NTM: variants seen among roughly 807,000 people sequenced by gnomAD.
NTM encodes the protein IgLON family member 2.
A neutral mutation model predicts 42.1 loss-of-function variants in NTM; 13 were observed. The ratio of observed to expected loss-of-function variants is 0.31; its 90% CI spans 0.20 to 0.49. The LOEUF is 0.49. Ranked by LOEUF, NTM falls within the 20% of genes least tolerant of loss-of-function variation. The pLI, the probability that NTM is intolerant of heterozygous loss-of-function variation, is 0.99. For synonymous variants in NTM, 187 were observed against 179.2 expected, an observed-to-expected ratio of 1.04 and a Z score of -0.35; for missense variants, 373 against 452.8, an observed-to-expected ratio of 0.82 and a Z score of 1.60.
At chr11:132,317,316 T>C (rs921618357) in intron 7 of NTM, among the ~76,000 whole-genome samples, 2 of 150,488 alleles carry the variant, frequency 1.3e-5, no homozygotes, top group Non-Finnish European at 3.0e-5. Context: ...GGGAAACAAG[T>C]CTCATCTGGA....
At chr11:131,548,446 T>A in intron 1 of NTM, among the ~76,000 whole-genome samples, 1 of 152,186 alleles carries the variant, frequency 6.6e-6, no homozygotes, top group Non-Finnish European at 1.5e-5. Context: ...ATCTTTTTTT[T>A]ATATTCAGAG....
intron 1 of NTM, among the ~76,000 whole-genome samples, chr11:131,697,542 C>A (rs1399673525): frequency 6.6e-6 from 1 of 152,186 alleles, no homozygotes; most frequent in East Asian, 1.9e-4. Flanking sequence ...ATTCCATAGT[C>A]CCCATTTCTG....
intron 2 of NTM, among the ~76,000 whole-genome samples, chr11:132,085,456 C>T (rs1015948154): frequency 6.6e-6 from 1 of 152,210 alleles, no homozygotes; most frequent in African/African-American, 2.4e-5. Context: ...GCTAAAGAAG[C>T]AGTTTATAAC....
chr11:131,515,684 A>G lies in NTM; in HGVS notation c.82+144796A>G, dbSNP rs1448365. ...CAACCCTGGTTCAAAGCAATAACTC[A>G]CATGTAATAAACTTACAGAGTTATG... On this transcript the variant is annotated intron_variant, in intron 1 of 8. Coordinates refer to ENST00000683400, the MANE Select transcript of NTM (RefSeq NM_001352005.2). Among the ~76,000 whole-genome samples, 479 of 152,320 alleles carry G rather than the reference A, an allele frequency of 3.1e-3. 2 individuals are homozygous for G. Among genetic ancestry groups the G allele is most frequent in the African/African-American group, 0.011 (461 of 41,572 alleles).
rs114998659 is a variant in NTM, at chr11:131,664,996, C to T, written c.83-246568C>T. Among the ~76,000 whole-genome samples, 483 of 152,260 alleles carry T rather than the reference C, an allele frequency of 3.2e-3. 3 individuals carry two copies. The highest frequency in any genetic ancestry group is 0.011 in the African/African-American group (457 of 41,518). The stretch of plus-strand genomic sequence containing the variant: ...TGCTGGGCACCAGAGGCAGAACCCG[C>T]GGAACTGCTTCCTGCAGCCACGGAT... On this transcript the variant is annotated intron_variant, in intron 1 of 8. Coordinates refer to ENST00000683400, the MANE Select transcript of NTM (RefSeq NM_001352005.2).
chr11:131,384,694 G>T (rs1478592303), intron 1 of NTM, among the ~76,000 whole-genome samples: 3 of 152,160 alleles, frequency 2.0e-5, no homozygotes, highest in African/African-American at 7.2e-5. Flanking sequence ...CGAATCCTGA[G>T]AATAGGTACA....
At chr11:131,660,188 G>GTA (rs1565387436) in intron 1 of NTM, 7 of 255,580 alleles carry the variant, frequency 2.7e-5, no homozygotes, top group African/African-American at 1.5e-4. Flanking sequence ...CGTAGGACTC[G>GTA]GGTGGGCCAG....
intron 1 of NTM, among the ~76,000 whole-genome samples, chr11:131,773,465 G>A (rs1442575020): frequency 6.6e-6 from 1 of 152,122 alleles, no homozygotes; most frequent in Non-Finnish European, 1.5e-5. Context: ...TTTTATTTAT[G>A]AACTTTCCGT....
At chr11:132,161,771 C>T (rs1370822082) in intron 3 of NTM, among the ~76,000 whole-genome samples, 4 of 152,220 alleles carry the variant, frequency 2.6e-5, no homozygotes, top group Non-Finnish European at 4.4e-5. Flanking sequence ...GCGCCATCCC[C>T]GGACCCTTCC....
rs143239737 is a variant in NTM at position 131,483,809 on chromosome 11, G to A, written c.82+112921G>A. Among the ~76,000 whole-genome samples, 603 of 152,382 alleles carry A rather than the reference G, an allele frequency of 4.0e-3. 1 individual carries two copies. Among genetic ancestry groups the A allele is most frequent in the Middle Eastern group, 6.8e-3 (2 of 294 alleles). On this transcript the variant is annotated intron_variant, in intron 1 of 8. Coordinates refer to ENST00000683400, the MANE Select transcript of NTM (RefSeq NM_001352005.2). ...CAACAAAAGGGCAGTGGGGGAAGCA[G>A]AGCCTGTCTTCTGCCCTTGGCAATT...
chr11:131,520,719 G>A (rs544006143), intron 1 of NTM, among the ~76,000 whole-genome samples: 75 of 150,862 alleles, frequency 5.0e-4, no homozygotes, highest in Middle Eastern at 3.4e-3. Context: ...TTATCTCTAC[G>A]ACTTAGAAGC....
chr11:131,956,435 G>T (rs2061560621), intron 2 of NTM, among the ~76,000 whole-genome samples: 1 of 152,186 alleles, frequency 6.6e-6, no homozygotes, highest in Non-Finnish European at 1.5e-5. Context: ...GGTGATTTCA[G>T]CAGGCTTTCC....
At chr11:132,040,200 T>G (rs113581425) in intron 2 of NTM, among the ~76,000 whole-genome samples, 5,014 of 152,240 alleles carry the variant, frequency 0.033, 292 homozygotes, top group African/African-American at 0.11. Context: ...AGTAGTAGGA[T>G]TCCACCCGCC....
chr11:132,216,044 G>A (rs576099206), intron 4 of NTM, among the ~76,000 whole-genome samples: 1 of 152,348 alleles, frequency 6.6e-6, no homozygotes, highest in East Asian at 1.9e-4. Flanking sequence ...CTGGTGTCAT[G>A]ACTCTGTGCT....
At chr11:131,814,545 G>GA (rs991024759) in intron 1 of NTM, among the ~76,000 whole-genome samples, 44 of 149,966 alleles carry the variant, frequency 2.9e-4, no homozygotes, top group East Asian at 2.3e-3. Flanking sequence ...GCTTAAAAAG[G>GA]AAAAAAAAAT....
At chr11:131,829,834 G>A (rs1196139116) in intron 1 of NTM, among the ~76,000 whole-genome samples, 3 of 151,910 alleles carry the variant, frequency 2.0e-5, no homozygotes, top group African/African-American at 7.3e-5. Flanking sequence ...GCAGCCTTGC[G>A]AGCATCAGTT....
At chr11:131,485,638 G>C (rs943564400) in intron 1 of NTM, among the ~76,000 whole-genome samples, 6 of 152,166 alleles carry the variant, frequency 3.9e-5, no homozygotes, top group Non-Finnish European at 8.8e-5. Flanking sequence ...AGAATAAGTA[G>C]TAAATTAGCA....
chr11:131,520,255 T>C (rs540305542), intron 1 of NTM, among the ~76,000 whole-genome samples: 1 of 152,346 alleles, frequency 6.6e-6, no homozygotes, highest in East Asian at 1.9e-4. Context: ...CTAGGTGCTT[T>C]ATAAAGATTC....
At chr11:132,188,533 T>C (rs1392155715) in intron 3 of NTM, among the ~76,000 whole-genome samples, 2 of 152,166 alleles carry the variant, frequency 1.3e-5, no homozygotes, top group Non-Finnish European at 2.9e-5. Flanking sequence ...CTAAACACTT[T>C]AGTCTAGGAA....
Sources: gnomAD v4.1 joint callset for allele counts (sites outside exome capture counted in the v4.1 genomes callset) on GRCh38, gnomAD v4.1.1 for gene constraint, MANE v1.5 for transcripts, NCBI Gene and HGNC (gene_info 2026-07-23, HGNC 2026-07-21) for gene names.